Variants in M1AP observed in about 807,000 individuals in gnomAD.
M1AP encodes meiosis 1 arrest protein.
Under a neutral mutation model 51.2 loss-of-function variants are expected in M1AP, and 39 were observed. The ratio of observed to expected loss-of-function variants is 0.76; its 90% CI spans 0.59 to 1.00. The LOEUF is 1.00. M1AP is among the 50% of genes least tolerant of loss of function. The pLI, the probability that M1AP is intolerant of heterozygous loss-of-function variation, is 0.00. For missense variants in M1AP, 545 were observed against 641.2 expected (o/e 0.85, Z 1.62); for synonymous variants, 251 against 249.2 (o/e 1.01, Z -0.07).
At chr2:74,567,151 C>T (rs900298956) in intron 7 of M1AP, among the ~76,000 whole-genome samples, 1 of 152,116 alleles carries the variant, frequency 6.6e-6, no homozygotes, top group African/African-American at 2.4e-5. Flanking sequence ...ATATTTATTT[C>T]CTACCACATT....
intron 3 of M1AP, among the ~76,000 whole-genome samples, chr2:74,613,215 G>C (rs184292580): frequency 1.3e-5 from 2 of 152,128 alleles, no homozygotes; most frequent in Non-Finnish European, 2.9e-5. Context: ...AGAGCCCTTA[G>C]CATATTAATC....
chr2:74,608,081 T>G (rs1681123233), intron 3 of M1AP, among the ~76,000 whole-genome samples: 2 of 151,286 alleles, frequency 1.3e-5, no homozygotes, highest in African/African-American at 4.9e-5. Flanking sequence ...TATTGACACA[T>G]CATAATCACC....
chr2:74,584,374 T>TGA, intron 4 of M1AP, among the ~76,000 whole-genome samples: 1 of 147,608 alleles, frequency 6.8e-6, no homozygotes, highest in African/African-American at 2.5e-5. Flanking sequence ...CTTAGAAGTC[T>TGA]GAGGCAGGAG....
chr2:74,581,902 T>C (rs1679430837), intron 4 of M1AP, 55 bp from the exon 5 acceptor site: 9 of 1,522,906 alleles, frequency 5.9e-6, no homozygotes, highest in South Asian at 1.2e-5. Flanking sequence ...TTGAGTAATA[T>C]AAAATTTTGA....
intron 3 of M1AP, among the ~76,000 whole-genome samples, chr2:74,610,415 TA>T (rs376414762): frequency 6.6e-6 from 1 of 151,962 alleles, no homozygotes; most frequent in Non-Finnish European, 1.5e-5. Context: ...GAGGTCTTAT[TA>T]AAAAAAATCC....
chr2:74,582,623 G>A (rs1679476642), intron 4 of M1AP, among the ~76,000 whole-genome samples: 1 of 152,160 alleles, frequency 6.6e-6, no homozygotes, highest in African/African-American at 2.4e-5. Context: ...GTTAACAGTG[G>A]ACAGGAAGTG....
At chr2:74,613,229 GT>G (rs1173269746) in intron 3 of M1AP, among the ~76,000 whole-genome samples, 1 of 152,000 alleles carries the variant, frequency 6.6e-6, no homozygotes, top group African/African-American at 2.4e-5. Flanking sequence ...ATTAATCATA[GT>G]TGCTTTAAAT....
At chr2:74,594,710 CA>C (rs1437292606) in intron 4 of M1AP, among the ~76,000 whole-genome samples, 1 of 151,616 alleles carries the variant, frequency 6.6e-6, no homozygotes, top group Non-Finnish European at 1.5e-5. Flanking sequence ...TTCATCTCTA[CA>C]AAAAAAATTA....
Position 74,615,168 on chromosome 2 carries a change from C to G in M1AP, c.241-19G>C. The G allele has an allele frequency of 6.2e-7, 1 of 1,612,222 alleles. No individual in the cohort carries two copies. The highest frequency in any genetic ancestry group is 8.5e-7 in the Non-Finnish European group (1 of 1,178,376). ...TCACTTGCTGCAGAGAAAAACGAAT[C>G]AAAGACACAAGTCTTTAGGGACCAG... On this transcript the variant is annotated intron_variant, in intron 2 of 10. Coordinates refer to ENST00000421985, the MANE Select transcript of M1AP (RefSeq NM_001321739.2).
At chr2:74,594,873 T>C (rs1207535389) in intron 4 of M1AP, among the ~76,000 whole-genome samples, 3 of 152,164 alleles carry the variant, frequency 2.0e-5, no homozygotes, top group African/African-American at 4.8e-5. Context: ...AGTGAGACCC[T>C]ATCTCAAAAT....
intron 3 of M1AP, among the ~76,000 whole-genome samples, chr2:74,613,018 T>C (rs983361336): frequency 3.9e-5 from 6 of 152,184 alleles, no homozygotes; most frequent in Non-Finnish European, 5.9e-5. Context: ...AACATTTCTA[T>C]TGATACATCC....
chr2:74,562,138 G>C (rs1371111264), intron 8 of M1AP, 79 bp downstream of exon 8: 19 of 1,517,998 alleles, frequency 1.3e-5, no homozygotes, highest in Non-Finnish European at 1.6e-5. Context: ...TTCCCTCATG[G>C]GCTCACTCCT....
chr2:74,562,053 CCTT>C, intron 8 of M1AP, 161 bp downstream of exon 8: 1 of 985,438 alleles, frequency 1.0e-6, no homozygotes, highest in Non-Finnish European at 1.2e-6. Context: ...GTGTTTACTT[CCTT>C]CTTCTGGCAT....
intron 1 of M1AP, among the ~76,000 whole-genome samples, chr2:74,641,251 T>G (rs188366552): frequency 6.6e-6 from 1 of 152,352 alleles, no homozygotes; most frequent in East Asian, 1.9e-4. Flanking sequence ...CTTTAGTGCA[T>G]TTGCTCATGC....
intron 4 of M1AP, among the ~76,000 whole-genome samples, chr2:74,596,310 C>T (rs545558221): frequency 3.3e-5 from 5 of 152,236 alleles, no homozygotes; most frequent in African/African-American, 9.6e-5. Context: ...TGGCGGGGCG[C>T]GGTGGCTCAC....
chr2:74,560,297 GA>G lies in M1AP; in HGVS notation c.1282-7del. 1 of 1,584,018 alleles carries G rather than the reference GA, an allele frequency of 6.3e-7. No homozygotes were observed. The highest frequency in any genetic ancestry group is 8.6e-7 in the Non-Finnish European group (1 of 1,166,978). ...TCCAGGCTGTCCAGCATGCTCTGAG[GA>G]AAAGAGAGGAGGGGCCTCACTAGGG... On this transcript the variant is annotated splice_region_variant and splice_polypyrimidine_tract_variant and intron_variant, in intron 8 of 10. Coordinates refer to ENST00000421985, the MANE Select transcript of M1AP (RefSeq NM_001321739.2).
intron 4 of M1AP, among the ~76,000 whole-genome samples, chr2:74,599,867 C>G (rs945486953): frequency 1.3e-5 from 2 of 150,274 alleles, no homozygotes; most frequent in Non-Finnish European, 2.9e-5. Flanking sequence ...GAGTCTTGCT[C>G]TCACCCAGGC....
chr2:74,577,905 C>T (rs560191612), intron 5 of M1AP, among the ~76,000 whole-genome samples: 13 of 152,246 alleles, frequency 8.5e-5, no homozygotes, highest in African/African-American at 2.4e-4. Flanking sequence ...TTGGCATTAG[C>T]GACTGGTTTC....
intron 2 of M1AP, among the ~76,000 whole-genome samples, chr2:74,625,045 C>G (rs1682286968): frequency 6.6e-6 from 1 of 152,156 alleles, no homozygotes. Flanking sequence ...GATTTATACA[C>G]TGACAAATGG....
Sources: allele counts gnomAD v4.1 joint callset (sites outside exome capture counted in the v4.1 genomes callset), GRCh38; gene constraint gnomAD v4.1.1; transcripts MANE v1.5; gene names NCBI Gene and HGNC (gene_info 2026-07-23, HGNC 2026-07-21).